HS6ST3: variants seen among roughly 807,000 people sequenced by gnomAD.
HS6ST3 encodes the protein heparan-sulfate 6-O-sulfotransferase 3.
In HS6ST3, 12 loss-of-function variants were observed where a neutral mutation model predicts 36.7. The observed-to-expected ratio is 0.33, with a 90% CI of 0.21 to 0.53. HS6ST3 has a LOEUF of 0.53. Among genes scored for constraint, HS6ST3 ranks in the 20% least tolerant of loss-of-function variants. The pLI is 0.95. For synonymous variants in HS6ST3, 240 were observed against 257.5 expected (o/e 0.93, Z 0.65); for missense variants, 584 against 640.9 (o/e 0.91, Z 0.96).
intron 1 of HS6ST3, among the ~76,000 whole-genome samples, chr13:96,811,579 A>G (rs1047920051): frequency 4.6e-5 from 7 of 152,140 alleles, no homozygotes; most frequent in Admixed American, 2.0e-4. Flanking sequence ...AGAATAGAGC[A>G]TCCAGTGGCT....
At chr13:96,326,120 T>C (rs1316070973) in intron 1 of HS6ST3, among the ~76,000 whole-genome samples, 4 of 152,148 alleles carry the variant, frequency 2.6e-5, no homozygotes, top group African/African-American at 9.7e-5. Context: ...TCCAATTTAT[T>C]CTGCTTATGA....
At chr13:96,417,029 C>T (rs1052207819) in intron 1 of HS6ST3, among the ~76,000 whole-genome samples, 4 of 152,256 alleles carry the variant, frequency 2.6e-5, no homozygotes, top group East Asian at 3.9e-4. Context: ...GGATTACAGG[C>T]GTGAGCCACC....
chr13:96,817,580 G>A (rs2389715), intron 1 of HS6ST3, among the ~76,000 whole-genome samples: 24,707 of 152,192 alleles, frequency 0.16, 2,115 homozygotes, highest in Middle Eastern at 0.2. Flanking sequence ...GAAAATCAAT[G>A]AAAAGCTTTT....
rs190932475 is a variant in HS6ST3, at chr13:96,220,264, T to C, written c.707+128695T>C. 3.1e-3 allele frequency among the ~76,000 whole-genome samples: 471 copies of C among 152,360 alleles called. 5 individuals are homozygous for C. The highest frequency in any genetic ancestry group is 0.011 in the African/African-American group (448 of 41,576). On this transcript the variant is annotated intron_variant, in intron 1 of 1. Coordinates refer to ENST00000376705, the MANE Select transcript of HS6ST3 (RefSeq NM_153456.4). ...GATAATAAATCTGATATTAGATGTA[T>C]TTGAAAGACTTTTGGGAAAGATCAT...
chr13:96,717,817 G>A (rs1019206237), intron 1 of HS6ST3, among the ~76,000 whole-genome samples: 2 of 152,146 alleles, frequency 1.3e-5, no homozygotes, highest in Non-Finnish European at 2.9e-5. Context: ...TTCCGCACAA[G>A]GATCCCATCA....
intron 1 of HS6ST3, among the ~76,000 whole-genome samples, chr13:96,731,332 G>A (rs777166050): frequency 2.6e-5 from 4 of 152,042 alleles, no homozygotes; most frequent in East Asian, 1.9e-4. Context: ...GAAGTCATGT[G>A]GTATTTGTCT....
chr13:96,558,029 A>C (rs9300362), intron 1 of HS6ST3, among the ~76,000 whole-genome samples: 14,922 of 152,160 alleles, frequency 0.098, 1,374 homozygotes, highest in African/African-American at 0.25. Flanking sequence ...ATTATCATCA[A>C]TAGGCTGATA....
intron 1 of HS6ST3, among the ~76,000 whole-genome samples, chr13:96,370,620 A>G (rs190442083): frequency 6.6e-6 from 1 of 152,348 alleles, no homozygotes; most frequent in East Asian, 1.9e-4. Context: ...ATTTAAAAAA[A>G]TCCATTATTG....
At chr13:96,554,033 A>G (rs2056230304) in intron 1 of HS6ST3, among the ~76,000 whole-genome samples, 1 of 152,226 alleles carries the variant, frequency 6.6e-6, no homozygotes, top group African/African-American at 2.4e-5. Context: ...TGAATGCAGA[A>G]GACTGAAGTA....
chr13:96,517,326 G>T (rs2056076565), intron 1 of HS6ST3, among the ~76,000 whole-genome samples: 1 of 152,144 alleles, frequency 6.6e-6, no homozygotes, highest in South Asian at 2.1e-4. Context: ...GCTGCAGTGA[G>T]CTGTGATTGT....
intron 1 of HS6ST3, among the ~76,000 whole-genome samples, chr13:96,724,929 T>C (rs1875965893): frequency 6.6e-6 from 1 of 152,226 alleles, no homozygotes; most frequent in Admixed American, 6.5e-5. Context: ...TGTTTAACTT[T>C]TTCAGAAATT....
chr13:96,326,737 C>A (rs1236506492), intron 1 of HS6ST3, among the ~76,000 whole-genome samples: 1 of 151,996 alleles, frequency 6.6e-6, no homozygotes. Flanking sequence ...AGTTCTAGAT[C>A]CCTGAGGAAT....
At chr13:96,300,224 T>C (rs1379788119) in intron 1 of HS6ST3, among the ~76,000 whole-genome samples, 4 of 151,666 alleles carry the variant, frequency 2.6e-5, no homozygotes, top group African/African-American at 4.8e-5. Context: ...ACCTGGCTAA[T>C]TTTTGTATTT....
At chr13:96,523,359 G>A (rs2056101345) in intron 1 of HS6ST3, among the ~76,000 whole-genome samples, 2 of 151,956 alleles carry the variant, frequency 1.3e-5, no homozygotes, top group South Asian at 4.2e-4. Flanking sequence ...TGCTCTTCTC[G>A]AGGAGTATCT....
intron 1 of HS6ST3, among the ~76,000 whole-genome samples, chr13:96,635,143 C>G (rs1001161215): frequency 1.3e-5 from 2 of 152,124 alleles, no homozygotes; most frequent in African/African-American, 4.8e-5. Context: ...TATTTTCAGT[C>G]TTGCACAAAT....
intron 1 of HS6ST3, among the ~76,000 whole-genome samples, chr13:96,431,941 A>C (rs950723387): frequency 6.6e-6 from 1 of 152,168 alleles, no homozygotes; most frequent in Non-Finnish European, 1.5e-5. Context: ...GGTCAGCACT[A>C]AAGGTACATT....
intron 1 of HS6ST3, among the ~76,000 whole-genome samples, chr13:96,774,536 C>T (rs948479695): frequency 3.3e-5 from 5 of 152,074 alleles, no homozygotes; most frequent in Admixed American, 3.3e-4. Flanking sequence ...GTGAAGCATA[C>T]ACAAGTATCA....
intron 1 of HS6ST3, among the ~76,000 whole-genome samples, chr13:96,748,861 T>G (rs187158200): frequency 6.6e-6 from 1 of 152,148 alleles, no homozygotes; most frequent in African/African-American, 2.4e-5. Context: ...TCTGTATCGG[T>G]ACAAATTCTT....
At chr13:96,755,617 C>T (rs1876808482) in intron 1 of HS6ST3, among the ~76,000 whole-genome samples, 2 of 152,158 alleles carry the variant, frequency 1.3e-5, no homozygotes, top group Admixed American at 1.3e-4. Context: ...CCTGCTTTGG[C>T]CTCCCAAAGT....
Sources: gnomAD v4.1 joint callset for allele counts (sites outside exome capture counted in the v4.1 genomes callset) on GRCh38, gnomAD v4.1.1 for gene constraint, MANE v1.5 for transcripts, NCBI Gene and HGNC (gene_info 2026-07-23, HGNC 2026-07-21) for gene names.